The following DAB1 variants were observed in gnomAD, a reference collection of about 807,000 sequenced individuals.
DAB1 encodes the protein DAB adaptor protein 1.
In DAB1, 15 loss-of-function variants were observed where a neutral mutation model predicts 64.6. That is an observed-to-expected ratio of 0.23 (90% confidence interval 0.16 to 0.36). DAB1 has a LOEUF of 0.36. DAB1 is among the 10% of genes least tolerant of loss of function. The probability of loss-of-function intolerance (pLI) is 1.00; values close to 1 mark genes in which losing one functional copy is unlikely to be tolerated. For missense variants in DAB1, 596 were observed against 706.7 expected (o/e 0.84, Z 1.78); for synonymous variants, 235 against 251.9 (o/e 0.93, Z 0.64).
At chr1:58,141,242 C>CGG in intron 5 of DAB1, among the ~76,000 whole-genome samples, 1 of 152,270 alleles carries the variant, frequency 6.6e-6, no homozygotes, top group Non-Finnish European at 1.5e-5. Flanking sequence ...CACAGTTCCA[C>CGG]ATGGCTGGGG....
intron 4 of DAB1, among the ~76,000 whole-genome samples, chr1:57,078,976 A>C (rs972183398): frequency 5.9e-5 from 9 of 152,192 alleles, no homozygotes; most frequent in African/African-American, 1.9e-4. Context: ...GATTTGCTAT[A>C]AGATGAAATA....
intron 6 of DAB1, among the ~76,000 whole-genome samples, chr1:57,679,338 T>G (rs1646609590): frequency 6.6e-6 from 1 of 152,190 alleles, no homozygotes; most frequent in Admixed American, 6.5e-5. Context: ...TGTACATGGA[T>G]TATTTCAATA....
chr1:57,272,982 C>T (rs902239795), intron 2 of DAB1, among the ~76,000 whole-genome samples: 6 of 152,186 alleles, frequency 3.9e-5, no homozygotes, highest in Non-Finnish European at 5.9e-5. Flanking sequence ...TGTTCCCCCC[C>T]ATTTCAGCCC....
At chr1:57,235,286 A>G (rs1389108452) in intron 2 of DAB1, among the ~76,000 whole-genome samples, 1 of 152,210 alleles carries the variant, frequency 6.6e-6, no homozygotes, top group Non-Finnish European at 1.5e-5. Context: ...AAGGGACATT[A>G]TTACCTAGTT....
intron 1 of DAB1, among the ~76,000 whole-genome samples, chr1:57,311,920 C>A (rs1306963236): frequency 6.6e-6 from 1 of 152,120 alleles, no homozygotes; most frequent in African/African-American, 2.4e-5. Flanking sequence ...TAATCCCTGG[C>A]GCTAAACGTT....
intron 6 of DAB1, among the ~76,000 whole-genome samples, chr1:57,687,555 TAAC>T (rs887644626): frequency 1.3e-5 from 1 of 75,370 alleles, no homozygotes; most frequent in Non-Finnish European, 2.6e-5. Flanking sequence ...AACTCATATG[TAAC>T]AACAACAGAA....
chr1:57,295,679 A>G (rs930298550), intron 1 of DAB1, among the ~76,000 whole-genome samples: 5 of 152,134 alleles, frequency 3.3e-5, no homozygotes, highest in Non-Finnish European at 7.4e-5. Flanking sequence ...TAAACAAACC[A>G]GATAACATGG....
At chr1:58,204,330 G>C (rs1025989314) in intron 4 of DAB1, among the ~76,000 whole-genome samples, 2 of 152,214 alleles carry the variant, frequency 1.3e-5, no homozygotes, top group African/African-American at 4.8e-5. Context: ...CCAGAGGGTA[G>C]AACTTAAATT....
intron 3 of DAB1, among the ~76,000 whole-genome samples, chr1:57,138,751 T>A (rs929929768): frequency 6.6e-5 from 10 of 152,192 alleles, no homozygotes; most frequent in Non-Finnish European, 1.2e-4. Context: ...TCTCTGACCC[T>A]CTTAGCCAAC....
chr1:57,825,582 G>T (rs1444059042), downstream of DAB1, among the ~76,000 whole-genome samples: 1 of 152,134 alleles, frequency 6.6e-6, no homozygotes, highest in Non-Finnish European at 1.5e-5. Context: ...TAATAGATCT[G>T]GTAGCAGGGC....
At chr1:58,367,478 G>A (rs1487500701) in intron 3 of DAB1, among the ~76,000 whole-genome samples, 1 of 152,170 alleles carries the variant, frequency 6.6e-6, no homozygotes, top group Non-Finnish European at 1.5e-5. Flanking sequence ...CCCACAGCAT[G>A]AGTCCCTCTC....
At chr1:57,740,903 T>C (rs145386899) in intron 6 of DAB1, among the ~76,000 whole-genome samples, 229 of 152,258 alleles carry the variant, frequency 1.5e-3, no homozygotes, top group Non-Finnish European at 2.5e-3. Context: ...TAACGACGTA[T>C]TGGGCAGAAA....
Position 57,147,737 on chromosome 1 carries a change from A to C in DAB1, c.68-2308T>G, listed in dbSNP as rs1397859359. Among the ~76,000 whole-genome samples, 3 of 152,138 alleles carry C rather than the reference A, an allele frequency of 2.0e-5. No homozygotes were observed. In the East Asian group the frequency reaches 5.8e-4, roughly 29 times the overall value. Reference sequence around the variant, plus strand: ...TCCCCAAACTTTAATTATAATCACAATACCAGGTAGCATTCATCACAAAGC... The same window carrying C: ...TCCCCAAACTTTAATTATAATCACACTACCAGGTAGCATTCATCACAAAGC... On this transcript the variant is annotated intron_variant, in intron 2 of 14. Transcript: ENST00000371236.
At chr1:57,295,400 A>T (rs1312115970) in intron 1 of DAB1, among the ~76,000 whole-genome samples, 2 of 152,194 alleles carry the variant, frequency 1.3e-5, no homozygotes, top group Non-Finnish European at 1.5e-5. Flanking sequence ...GCATGCATTA[A>T]AACTGTATGT....
At chr1:57,598,725 C>G (rs562082124) in intron 7 of DAB1, among the ~76,000 whole-genome samples, 1 of 152,160 alleles carries the variant, frequency 6.6e-6, no homozygotes, top group East Asian at 1.9e-4. Flanking sequence ...AGAAAGCTTC[C>G]GAGAGACAGT....
At chr1:58,471,643 T>C (rs1434932732) in intron 3 of DAB1, among the ~76,000 whole-genome samples, 1 of 152,150 alleles carries the variant, frequency 6.6e-6, no homozygotes, top group Non-Finnish European at 1.5e-5. Context: ...GGTGATTGGA[T>C]CATGGGGCAG....
intron 5 of DAB1, among the ~76,000 whole-genome samples, chr1:58,058,722 C>G (rs1648302772): frequency 6.6e-6 from 1 of 152,210 alleles, no homozygotes; most frequent in African/African-American, 2.4e-5. Context: ...ATCCTCTCTC[C>G]TAACTTGGGC....
chr1:57,397,456 C>T (rs1333569279), intron 1 of DAB1, among the ~76,000 whole-genome samples: 1 of 152,082 alleles, frequency 6.6e-6, no homozygotes, highest in Non-Finnish European at 1.5e-5. Flanking sequence ...ACCATACTTC[C>T]TAGGGACACA....
chr1:58,338,107 G>A (rs1159379090), intron 4 of DAB1, among the ~76,000 whole-genome samples: 1 of 152,002 alleles, frequency 6.6e-6, no homozygotes, highest in Non-Finnish European at 1.5e-5. Context: ...TGAACACCTG[G>A]GGAACACCTT....
Sources: gnomAD v4.1 joint callset for allele counts (sites outside exome capture counted in the v4.1 genomes callset) on GRCh38, gnomAD v4.1.1 for gene constraint, MANE v1.5 for transcripts, NCBI Gene and HGNC (gene_info 2026-07-23, HGNC 2026-07-21) for gene names.